Variants in HYDIN observed in about 807,000 individuals in gnomAD.
The protein encoded by HYDIN is HYDIN axonemal central pair apparatus protein.
In HYDIN, 132 loss-of-function variants were observed where a neutral mutation model predicts 403.9. The ratio of observed to expected loss-of-function variants is 0.33; its 90% CI spans 0.28 to 0.38. The LOEUF (loss-of-function observed/expected upper bound fraction) is 0.38. Ranked by LOEUF, HYDIN falls within the 10% of genes least tolerant of loss-of-function variation. The pLI is 1.00. For synonymous variants in HYDIN, 1,202 were observed against 1,891.7 expected (o/e 0.64, Z 9.46); for missense variants, 2,827 against 5,009.5 (o/e 0.56, Z 13.15).
intron 3 of HYDIN, 38 bp from the exon 4 acceptor site, chr16:71,179,085 A>AT: frequency 6.4e-7 from 1 of 1,550,466 alleles, no homozygotes; most frequent in Non-Finnish European, 8.8e-7. Context: ...ATAGTCACAC[A>AT]TTGACAAAAA....
chr16:71,114,458 T>C (rs2083940049), intron 10 of HYDIN, among the ~76,000 whole-genome samples: 1 of 151,836 alleles, frequency 6.6e-6, no homozygotes, highest in South Asian at 2.1e-4. Flanking sequence ...TAATCCAGGC[T>C]CATCTTATTC....
chr16:71,226,719 T>A (rs975870847), intron 1 of HYDIN, among the ~76,000 whole-genome samples: 1 of 152,190 alleles, frequency 6.6e-6, no homozygotes, highest in African/African-American at 2.4e-5. Flanking sequence ...TATATTTATC[T>A]TATCTGAGTT....
intron 46 of HYDIN, among the ~76,000 whole-genome samples, chr16:70,919,444 C>T (rs1317600643): frequency 6.6e-6 from 1 of 151,828 alleles, no homozygotes; most frequent in Non-Finnish European, 1.5e-5. Flanking sequence ...TGGTGCCACC[C>T]GGGACCACTG....
chr16:70,921,509 T>C (rs1013194086), intron 45 of HYDIN, among the ~76,000 whole-genome samples: 2 of 152,166 alleles, frequency 1.3e-5, no homozygotes, highest in Non-Finnish European at 2.9e-5. Flanking sequence ...GCTGCTGTTC[T>C]GCAGGATCAA....
chr16:71,181,407 T>A (rs534151924), intron 3 of HYDIN, among the ~76,000 whole-genome samples: 49 of 152,070 alleles, frequency 3.2e-4, no homozygotes, highest in African/African-American at 1.1e-3. Flanking sequence ...AGCACAAGAT[T>A]TATCAGAAAA....
At chr16:71,229,072 C>T (rs1470362585) in intron 1 of HYDIN, among the ~76,000 whole-genome samples, 5 of 148,936 alleles carry the variant, frequency 3.4e-5, no homozygotes, top group East Asian at 2.0e-4. Flanking sequence ...AACCAAACAC[C>T]GCATGTTCTC....
chr16:71,194,216 T>C (rs910363583), intron 1 of HYDIN, among the ~76,000 whole-genome samples: 1 of 152,084 alleles, frequency 6.6e-6, no homozygotes, highest in Non-Finnish European at 1.5e-5. Flanking sequence ...ATCGAGACCA[T>C]TGTGGCAAAT....
At chr16:70,927,970 A>G (rs112363132) in intron 45 of HYDIN, among the ~76,000 whole-genome samples, 2 of 151,788 alleles carry the variant, frequency 1.3e-5, no homozygotes, top group East Asian at 1.9e-4. Flanking sequence ...AACAAAAAAC[A>G]AAAAAAACAA....
chr16:70,905,692 G>T (rs1384886201), intron 50 of HYDIN, among the ~76,000 whole-genome samples: 2 of 149,852 alleles, frequency 1.3e-5, no homozygotes, highest in Non-Finnish European at 3.0e-5. Flanking sequence ...ATACACAGTT[G>T]TACTGGAACT....
At chr16:71,107,980 C>T (rs1225088317) in intron 10 of HYDIN, among the ~76,000 whole-genome samples, 12 of 152,234 alleles carry the variant, frequency 7.9e-5, no homozygotes, top group South Asian at 4.1e-4. Context: ...CAAAATACTA[C>T]GCAGCCATAA....
chr16:70,888,584 G>A (rs1160832491), intron 58 of HYDIN, among the ~76,000 whole-genome samples: 1 of 150,160 alleles, frequency 6.7e-6, no homozygotes, highest in Non-Finnish European at 1.5e-5. Flanking sequence ...TTCCAGCAGG[G>A]GATGGGGGAA....
chr16:70,914,192 CTTTT>C (rs898636278), intron 47 of HYDIN, among the ~76,000 whole-genome samples: 4 of 151,528 alleles, frequency 2.6e-5, no homozygotes, highest in African/African-American at 9.7e-5. Context: ...TGGTTTTTTG[CTTTT>C]TTGTTTTTTT....
intron 30 of HYDIN, among the ~76,000 whole-genome samples, chr16:70,976,997 T>C (rs2078906864): frequency 6.6e-6 from 1 of 152,156 alleles, no homozygotes; most frequent in South Asian, 2.1e-4. Flanking sequence ...AAGCCAACTC[T>C]GTGCTTGGCT....
intron 18 of HYDIN, among the ~76,000 whole-genome samples, chr16:71,039,166 T>A (rs1215180846): frequency 6.6e-6 from 1 of 151,834 alleles, no homozygotes; most frequent in Non-Finnish European, 1.5e-5. Context: ...CATAGCCAAG[T>A]GACCTTGCAC....
chr16:70,865,501 C>T (rs923327020), intron 67 of HYDIN: 5 of 398,798 alleles, frequency 1.3e-5, no homozygotes, highest in Non-Finnish European at 2.5e-5. Context: ...AACCTTTTCT[C>T]CTTCTCAAAG....
At chr16:71,210,394 AAACT>A (rs1394495355) in intron 1 of HYDIN, among the ~76,000 whole-genome samples, 1 of 152,222 alleles carries the variant, frequency 6.6e-6, no homozygotes, top group Non-Finnish European at 1.5e-5. Context: ...TATGCTCAGC[AAACT>A]AACACAGGAA....
intron 1 of HYDIN, among the ~76,000 whole-genome samples, chr16:71,205,633 G>C (rs1263700973): frequency 6.6e-6 from 1 of 152,206 alleles, no homozygotes; most frequent in Middle Eastern, 3.2e-3. Flanking sequence ...TGCCAGCCAG[G>C]GCTCAGTGTC....
At chr16:71,203,664 AT>A (rs1246325922) in intron 1 of HYDIN, 3 of 448,832 alleles carry the variant, frequency 6.7e-6, no homozygotes, top group African/African-American at 6.0e-5. Context: ...AGGACAGGTA[AT>A]TCCATACACA....
At chr16:71,174,146 TG>T (rs548479201) in intron 5 of HYDIN, among the ~76,000 whole-genome samples, 116 of 152,170 alleles carry the variant, frequency 7.6e-4, no homozygotes, top group South Asian at 2.1e-3. Flanking sequence ...CAAACAAAAT[TG>T]TAGTTTCCTA....
Sources: gnomAD v4.1 joint callset for allele counts (sites outside exome capture counted in the v4.1 genomes callset) on GRCh38, gnomAD v4.1.1 for gene constraint, MANE v1.5 for transcripts, NCBI Gene and HGNC (gene_info 2026-07-23, HGNC 2026-07-21) for gene names.